The following QSOX2 variants were observed in gnomAD, a reference collection of about 807,000 sequenced individuals.
QSOX2 encodes the protein sulfhydryl oxidase 2.
A neutral mutation model predicts 61.7 loss-of-function variants in QSOX2; 46 were observed. That is an observed-to-expected ratio of 0.75 (90% CI 0.59 to 0.95). The LOEUF (loss-of-function observed/expected upper bound fraction) is 0.95. QSOX2 is among the 40% of genes least tolerant of loss of function. QSOX2 has a pLI of 0.00. For synonymous variants in QSOX2, 383 were observed against 388.4 expected (o/e 0.99, Z 0.16); for missense variants, 879 against 918.9 (o/e 0.96, Z 0.56).
intron 2 of QSOX2, 145 bp from the exon 3 acceptor site, chr9:136,225,054 C>T: frequency 3.5e-6 from 2 of 579,608 alleles, no homozygotes. Context: ...AAACCACACG[C>T]TTCTCCTTGT....
At chr9:136,244,402 C>T (rs1018818429) in intron 1 of QSOX2, among the ~76,000 whole-genome samples, 2 of 152,150 alleles carry the variant, frequency 1.3e-5, no homozygotes, top group African/African-American at 4.8e-5. Flanking sequence ...CAGTAACATA[C>T]AAAAGCCCTA....
chr9:136,218,645 C>T lies in QSOX2; in HGVS notation c.1086+34G>A, dbSNP rs756834822. ...GGCCCACTCTGTGCAGAGCCAAATTCCCACATGCAGCCCAGACCAGCACCG... is the reference window on the plus strand; with the variant it reads ...GGCCCACTCTGTGCAGAGCCAAATTTCCACATGCAGCCCAGACCAGCACCG... On this transcript the variant is annotated intron_variant, in intron 8 of 11. Transcript: ENST00000358701. 10 of 1,602,252 alleles carry T rather than the reference C, an allele frequency of 6.2e-6. No individual in the cohort carries two copies. In the East Asian group the frequency reaches 2.0e-4, roughly 32 times the overall value.
chr9:136,225,523 G>T (rs1191148344), intron 2 of QSOX2, among the ~76,000 whole-genome samples: 1 of 152,216 alleles, frequency 6.6e-6, no homozygotes, highest in Non-Finnish European at 1.5e-5. Context: ...CACTGCAGCC[G>T]CCAGGGAAAT....
chr9:136,229,281 T>C (rs1320316545), intron 1 of QSOX2, among the ~76,000 whole-genome samples: 1 of 152,188 alleles, frequency 6.6e-6, no homozygotes, highest in Non-Finnish European at 1.5e-5. Flanking sequence ...GAAGGGTTCA[T>C]GCTCTCACCC....
intron 1 of QSOX2, among the ~76,000 whole-genome samples, chr9:136,245,156 G>A (rs940756423): frequency 1.3e-5 from 2 of 152,132 alleles, no homozygotes; most frequent in African/African-American, 2.4e-5. Flanking sequence ...GCTGGGATAC[G>A]GGAGGGCTTC....
At chr9:136,243,301 AT>A (rs1258517612) in intron 1 of QSOX2, among the ~76,000 whole-genome samples, 1 of 152,214 alleles carries the variant, frequency 6.6e-6, no homozygotes, top group African/African-American at 2.4e-5. Flanking sequence ...TCTAGGAGAC[AT>A]TTAACGAGTC....
At position 136,206,340 on chromosome 9, in the gene QSOX2, A is replaced by T. The variant is rs1831764036; in HGVS notation, c.*2388T>A. On this transcript the variant is annotated 3_prime_UTR_variant, in exon 12 of 12. Coordinates refer to ENST00000358701, the MANE Select transcript of QSOX2 (RefSeq NM_181701.4). ...ATTTCAAAAGAATCACCATTTTTTC[A>T]AATGTCAGATTTCTTTATTAAAATG... 1 of 152,630 alleles carries T rather than the reference A, an allele frequency of 6.6e-6. No individual in the cohort carries two copies. Among genetic ancestry groups the T allele is most frequent in the African/African-American group, 2.4e-5 (1 of 41,448 alleles). The allele number at this position is 152,630 out of a possible 1,614,324, so 9.5% of individuals were successfully genotyped here.
At chr9:136,229,698 C>T (rs563591931) in intron 1 of QSOX2, among the ~76,000 whole-genome samples, 2 of 152,304 alleles carry the variant, frequency 1.3e-5, no homozygotes, top group Admixed American at 6.5e-5. Context: ...TTGGTTTTCA[C>T]GGTGGGATCT....
At chr9:136,212,583 G>C (rs1013451208) in intron 10 of QSOX2, among the ~76,000 whole-genome samples, 1 of 152,266 alleles carries the variant, frequency 6.6e-6, no homozygotes. Context: ...TCCACGGGCA[G>C]CTGGGCGGTG....
intron 1 of QSOX2, among the ~76,000 whole-genome samples, chr9:136,235,198 G>C (rs1830370003): frequency 6.6e-6 from 1 of 152,238 alleles, no homozygotes. Context: ...CATCTCCCAA[G>C]GGCAGTGTGA....
At chr9:136,224,396 G>A (rs1355875373) in intron 3 of QSOX2, among the ~76,000 whole-genome samples, 2 of 152,218 alleles carry the variant, frequency 1.3e-5, no homozygotes, top group African/African-American at 4.8e-5. Flanking sequence ...ACTGCGAGGA[G>A]CAGGCCAGGC....
chr9:136,229,211 G>A (rs946001204), intron 1 of QSOX2, among the ~76,000 whole-genome samples: 1 of 152,212 alleles, frequency 6.6e-6, no homozygotes, highest in Non-Finnish European at 1.5e-5. Context: ...GAAGCGACAC[G>A]AGCTCTCTGC....
chr9:136,224,596 T>C (rs1830261975), intron 3 of QSOX2, among the ~76,000 whole-genome samples: 1 of 152,254 alleles, frequency 6.6e-6, no homozygotes, highest in Non-Finnish European at 1.5e-5. Flanking sequence ...ATGTGATCTG[T>C]GCACATCTCC....
rs1162853949 is a variant in QSOX2, at chr9:136,222,787, C to G, written c.676-846G>C. ...AGACGGTCCCACACCCGCCTCTTCT[C>G]AGGGGAACACCTGCCTCTGGTCTGC... On this transcript the variant is annotated intron_variant, in intron 5 of 11. Coordinates refer to ENST00000358701, the MANE Select transcript of QSOX2 (RefSeq NM_181701.4). This position sits in a 1 kb window ranked among gnomAD's most constrained non-coding sequence, Gnocchi z 6.9. Among the ~76,000 whole-genome samples, 1 of 152,184 alleles carries G rather than the reference C, an allele frequency of 6.6e-6. No individual in the cohort carries two copies. The highest frequency in any genetic ancestry group is 6.5e-5 in the Admixed American group (1 of 15,284).
At chr9:136,238,490 A>G (rs1275839088) in intron 1 of QSOX2, among the ~76,000 whole-genome samples, 3 of 152,204 alleles carry the variant, frequency 2.0e-5, no homozygotes, top group Admixed American at 6.5e-5. Flanking sequence ...GGGAACCCTG[A>G]GCTGGCCTTC....
In QSOX2 at chr9:136,216,679, A is replaced by G. The variant is rs758087530; in HGVS notation, c.1130T>C (p.Leu377Pro). The G allele has an allele frequency of 2.5e-6, 4 of 1,613,960 alleles. No homozygotes were observed. In the Admixed American group the frequency reaches 6.7e-5, roughly 27 times the overall value. The change falls in exon 9 of 12, where the codon CTG becomes CCG. Residue 377 changes from leucine (L) to proline (P), a missense_variant. Physicochemically the swap from Leu to Pro is moderately conservative, Grantham distance 98. Transcript: ENST00000358701. Reference sequence around the variant, plus strand: ...GGGAAGGCTGGCCAGCCACTCCTGCAGCATCTCCAACAGCTTCTTGACTGG... The same window carrying G: ...GGGAAGGCTGGCCAGCCACTCCTGCGGCATCTCCAACAGCTTCTTGACTGG... ...RPPVKKLLEM[L>P]QEWLASLPLD...
chr9:136,209,271 A>G lies in QSOX2; in HGVS notation c.1554T>C (p.His518=), dbSNP rs754321781. The change falls in exon 12 of 12, where the codon CAT becomes CAC. Residue 518 remains histidine (H), a synonymous_variant. Coordinates refer to ENST00000358701, the MANE Select transcript of QSOX2 (RefSeq NM_181701.4). This position sits in a 1 kb window ranked among gnomAD's most constrained non-coding sequence, Gnocchi z 5.6. ...HNMVNGRLAG[H]LSEDPRFPKL... ...TTGGAAACCGGGGATCCTCACTCAG[A>G]TGGCCTAGGAAGAAAAGGAAGCGGG... The G allele has an allele frequency of 2.5e-6, 4 of 1,610,562 alleles. No individual in the cohort carries two copies. In the South Asian group the frequency reaches 4.4e-5, roughly 18 times the overall value.
At chr9:136,240,697 C>A (rs771523484) in intron 1 of QSOX2, among the ~76,000 whole-genome samples, 10 of 152,170 alleles carry the variant, frequency 6.6e-5, no homozygotes, top group Non-Finnish European at 1.3e-4. Context: ...CTAGAAGTTG[C>A]CAAGGGCTGG....
chr9:136,215,994 A>C (rs138416475), intron 9 of QSOX2, among the ~76,000 whole-genome samples: 237 of 152,372 alleles, frequency 1.6e-3, no homozygotes, highest in African/African-American at 5.3e-3. Context: ...CCAGCAAATG[A>C]CAAAGCTGGC....
Sources: allele counts gnomAD v4.1 joint callset (sites outside exome capture counted in the v4.1 genomes callset), GRCh38; gene constraint gnomAD v4.1.1; non-coding constraint Gnocchi (gnomAD v3.1); transcripts MANE v1.5; gene names NCBI Gene and HGNC (gene_info 2026-07-23, HGNC 2026-07-21).